Variants in TIPRL observed in about 807,000 individuals in gnomAD.
The protein encoded by TIPRL is TIP41-like protein.
A neutral mutation model predicts 32.3 loss-of-function variants in TIPRL; 10 were observed. That is an observed-to-expected ratio of 0.31 (90% confidence interval 0.19 to 0.52). The LOEUF (loss-of-function observed/expected upper bound fraction) is 0.52, where lower values mean the gene tolerates loss of function less well. Ranked by LOEUF, TIPRL falls within the 20% of genes least tolerant of loss-of-function variation. TIPRL has a pLI of 0.96. For synonymous variants in TIPRL, 100 were observed against 114.0 expected, an observed-to-expected ratio of 0.88 and a Z score of 0.78; for missense variants, 250 against 328.1, an observed-to-expected ratio of 0.76 and a Z score of 1.84.
chr1:168,179,531 G>A (rs1699935617), intron 1 of TIPRL, among the ~76,000 whole-genome samples: 1 of 152,202 alleles, frequency 6.6e-6, no homozygotes, highest in East Asian at 1.9e-4. Context: ...TGACGGGGAT[G>A]ATTTATAAGT....
Position 168,191,387 on chromosome 1 carries a change from C to A in TIPRL, c.403C>A (p.His135Asn). Residue 135 changes from histidine (H) to asparagine (N), a missense_variant, in exon 4 of 7, where the codon CAT becomes AAT. Transcript: ENST00000367833. The part of the protein sequence containing the change: ...LKLKVVPTTD[H>N]IDTEKLKARE... ...CTTTCAGGTTGTACCTACAACAGAT[C>A]ATATAGATACAGAAAAATTGAAAGC... 1 of 1,532,106 alleles carries A rather than the reference C, an allele frequency of 6.5e-7. No homozygotes were observed. Among genetic ancestry groups the A allele is most frequent in the Non-Finnish European group, 8.7e-7 (1 of 1,152,404 alleles). 94.9% of individuals were successfully genotyped at this position (1,532,106 alleles called of 1,614,324 possible).
chr1:168,197,582 C>T (rs1032867510), intron 5 of TIPRL, among the ~76,000 whole-genome samples: 4 of 152,080 alleles, frequency 2.6e-5, no homozygotes, highest in Non-Finnish European at 5.9e-5. Flanking sequence ...TGCAGTGGCG[C>T]GATCTTGGCT....
chr1:168,179,971 A>T (rs1242062841), intron 1 of TIPRL, among the ~76,000 whole-genome samples: 10 of 152,060 alleles, frequency 6.6e-5, no homozygotes, highest in Admixed American at 6.6e-4. Context: ...GTTGTGAGAG[A>T]TGAGAGGTAG....
At chr1:168,194,286 G>T (rs1700128829) in intron 4 of TIPRL, among the ~76,000 whole-genome samples, 2 of 152,162 alleles carry the variant, frequency 1.3e-5, no homozygotes, top group African/African-American at 4.8e-5. Flanking sequence ...TCCCAGATCT[G>T]TCGTTCTGGT....
chr1:168,184,867 CT>C lies in TIPRL; in HGVS notation c.375del (p.Lys126SerfsTer2). 6.2e-7 allele frequency: 1 copy of C among 1,601,900 alleles called. No homozygotes were observed. The highest frequency in any genetic ancestry group is 8.5e-7 in the Non-Finnish European group (1 of 1,170,116). ...TAAGGGAACCTTACTTGGAGAATCT[CT>C]TAAGTTAAAGGTAAATCTTACTTTT... is the stretch of plus-strand genomic sequence containing the variant. ...DYKGTLLGES[L>X]KLKVVPTTDH... On this transcript the variant is annotated frameshift_variant, in exon 3 of 7. Transcript: ENST00000367833. LOFTEE classifies it high-confidence loss of function.
chr1:168,192,365 AT>A (rs1384029300), intron 4 of TIPRL: 58 of 988,896 alleles, frequency 5.9e-5, no homozygotes, highest in Non-Finnish European at 6.7e-5. Flanking sequence ...AAAAAAAAAA[AT>A]AAAATAAAAT....
intron 4 of TIPRL, among the ~76,000 whole-genome samples, chr1:168,191,714 C>T (rs141851429): frequency 0.012 from 1,881 of 151,766 alleles, 34 homozygotes; most frequent in African/African-American, 0.043. Context: ...CTACTAAAAA[C>T]ACAAAAAGTT....
At position 168,196,549 on chromosome 1, in the gene TIPRL, A is replaced by G. The variant is rs1202022012; in HGVS notation, c.519A>G (p.Arg173=). The change falls in exon 5 of 7, where the codon AGA becomes AGG. Residue 173 remains arginine, a splice_region_variant and synonymous_variant. Coordinates refer to ENST00000367833, the MANE Select transcript of TIPRL (RefSeq NM_152902.5). ...TGTACCTTTTTTTTTTTTTCCAGAG[A>G]GTAATGCCTTCTAGCTTTTTCCTGC... ...HGVSSLSVKI[R]VMPSSFFLLL... is the part of the protein sequence containing the mutation. 14 of 1,548,430 alleles carry G rather than the reference A, an allele frequency of 9.0e-6. No individual in the cohort carries two copies. Among genetic ancestry groups the G allele is most frequent in the Non-Finnish European group, 1.2e-5 (14 of 1,146,944 alleles).
chr1:168,181,149 A>C (rs1280457885), intron 1 of TIPRL, among the ~76,000 whole-genome samples: 1 of 150,436 alleles, frequency 6.6e-6, no homozygotes, highest in African/African-American at 2.4e-5. Context: ...CGCCTGGCTA[A>C]TTTTTGTATT....
In TIPRL at chr1:168,200,054, T is replaced by C; in HGVS notation, c.*8T>C. 6.2e-7 allele frequency: 1 copy of C among 1,612,074 alleles called. No homozygotes were observed. The highest frequency in any genetic ancestry group is 8.5e-7 in the Non-Finnish European group (1 of 1,179,298). ...AGTACACAAGTGGAATAAAATGTGA[T>C]ACAACATATACTCACTATGGAATCT... is the stretch of plus-strand genomic sequence containing the variant. On this transcript the variant is annotated 3_prime_UTR_variant, in exon 7 of 7. Coordinates refer to ENST00000367833, the MANE Select transcript of TIPRL (RefSeq NM_152902.5).
At chr1:168,196,066 A>G (rs1700149088) in intron 4 of TIPRL, among the ~76,000 whole-genome samples, 2 of 152,234 alleles carry the variant, frequency 1.3e-5, no homozygotes, top group South Asian at 4.1e-4. Flanking sequence ...CTGATAAACC[A>G]GGTCTTTAGC....
intron 3 of TIPRL, among the ~76,000 whole-genome samples, chr1:168,190,537 A>C (rs1041681922): frequency 6.6e-6 from 1 of 152,208 alleles, no homozygotes; most frequent in African/African-American, 2.4e-5. Context: ...CCTAATCATG[A>C]CGCTTAAGTA....
At chr1:168,196,726 A>G (rs1157118004) in intron 5 of TIPRL, 84 bp downstream of exon 5, 1 of 975,784 alleles carries the variant, frequency 1.0e-6, no homozygotes, top group Non-Finnish European at 1.5e-6. Context: ...ATTTGAAATT[A>G]AACAATCTAT....
At chr1:168,184,606 T>C (rs1700005238) in intron 2 of TIPRL, among the ~76,000 whole-genome samples, 173 bp from the exon 3 acceptor site, 1 of 152,186 alleles carries the variant, frequency 6.6e-6, no homozygotes, top group Non-Finnish European at 1.5e-5. Context: ...ACATGACAAG[T>C]TAAATAATAA....
At chr1:168,196,725 TAAAC>T (rs1363585915) in intron 5 of TIPRL, 83 bp downstream of exon 5, 15 of 971,464 alleles carry the variant, frequency 1.5e-5, no homozygotes, top group Non-Finnish European at 2.2e-5. Flanking sequence ...AATTTGAAAT[TAAAC>T]AATCTATATT....
chr1:168,191,384 G>A lies in TIPRL; in HGVS notation c.400G>A (p.Asp134Asn), dbSNP rs761366919. The change falls in exon 4 of 7, where the codon GAT (aspartate) becomes AAT (asparagine). Residue 134 changes from aspartate (D) to asparagine (N), a missense_variant. Physicochemically the swap from Asp to Asn is conservative, Grantham distance 23 (BLOSUM62 1). Coordinates refer to ENST00000367833, the MANE Select transcript of TIPRL (RefSeq NM_152902.5). Reference sequence around the variant, plus strand: ...TTTCTTTCAGGTTGTACCTACAACAGATCATATAGATACAGAAAAATTGAA... The same window carrying A: ...TTTCTTTCAGGTTGTACCTACAACAAATCATATAGATACAGAAAAATTGAA... Reference protein sequence around the residue: ...SLKLKVVPTTDHIDTEKLKAR... With the variant: ...SLKLKVVPTTNHIDTEKLKAR... 6 of 1,533,614 alleles carry A rather than the reference G, an allele frequency of 3.9e-6. No individual in the cohort carries two copies. Among genetic ancestry groups the A allele is most frequent in the African/African-American group, 1.4e-5 (1 of 69,260 alleles).
intron 3 of TIPRL, among the ~76,000 whole-genome samples, chr1:168,188,325 G>T (rs1700053472): frequency 1.3e-5 from 2 of 152,102 alleles, no homozygotes; most frequent in Admixed American, 1.3e-4. Flanking sequence ...CATAGTCAAG[G>T]ACAGAGCTCT....
chr1:168,196,679 C>A, intron 5 of TIPRL, 37 bp downstream of exon 5: 1 of 1,416,096 alleles, frequency 7.1e-7, no homozygotes. Context: ...CTAATTGATA[C>A]TGGGCTTGTT....
chr1:168,197,741 G>A (rs4414023), intron 5 of TIPRL, among the ~76,000 whole-genome samples: 33 of 151,978 alleles, frequency 2.2e-4, no homozygotes, highest in Non-Finnish European at 3.7e-4. Flanking sequence ...TGGCCAGGCC[G>A]GTCTTGAACT....
Sources: allele counts gnomAD v4.1 joint callset (sites outside exome capture counted in the v4.1 genomes callset), GRCh38; gene constraint gnomAD v4.1.1; transcripts MANE v1.5; gene names NCBI Gene and HGNC (gene_info 2026-07-23, HGNC 2026-07-21).